ABLIM2: variants seen among roughly 807,000 people sequenced by gnomAD.
ABLIM2 encodes actin-binding LIM protein 2.
In ABLIM2, 53 loss-of-function variants were observed where a neutral mutation model predicts 97.7. That is an observed-to-expected ratio of 0.54 (90% CI 0.44 to 0.68). The LOEUF (loss-of-function observed/expected upper bound fraction) is 0.68, where lower values mean the gene tolerates loss of function less well. Ranked by LOEUF, ABLIM2 falls within the 30% of genes least tolerant of loss-of-function variation. The probability of loss-of-function intolerance (pLI) is 0.00; values close to 1 mark genes in which losing one functional copy is unlikely to be tolerated. For missense variants in ABLIM2, 835 were observed against 867.2 expected (o/e 0.96, Z 0.47); for synonymous variants, 361 against 345.8 (o/e 1.04, Z -0.49).
At chr4:8,036,653 G>T (rs1439071481) in intron 9 of ABLIM2, among the ~76,000 whole-genome samples, 1 of 152,240 alleles carries the variant, frequency 6.6e-6, no homozygotes, top group Non-Finnish European at 1.5e-5. Context: ...AGGCCTTGCG[G>T]AAGTGTCTTC....
rs2152826652 is a variant in ABLIM2, at chr4:8,115,747, T to A, written c.11-9110A>T. 2.0e-5 allele frequency among the ~76,000 whole-genome samples: 3 copies of A among 152,330 alleles called. No individual in the cohort carries two copies. The East Asian group carries it at 5.8e-4, about 29-fold the overall frequency. On this transcript the variant is annotated intron_variant, in intron 1 of 20. Transcript: ENST00000447017. ...CCTTCTCCTATTACCTGATGGGGTC[T>A]AAAGCCCCTCACCTTGAACCTGGGT...
intron 1 of ABLIM2, among the ~76,000 whole-genome samples, chr4:8,131,708 C>G (rs1255131955): frequency 1.9e-5 from 2 of 107,646 alleles, no homozygotes; most frequent in Non-Finnish European, 3.8e-5. Context: ...GCACAGCAGC[C>G]CGCATCCCTG....
intron 9 of ABLIM2, among the ~76,000 whole-genome samples, chr4:8,039,874 GTTTTTTTTTTT>G (rs397947626): frequency 1.8e-5 from 2 of 108,630 alleles, no homozygotes; most frequent in Non-Finnish European, 1.9e-5. Context: ...GCTGATTACT[GTTTTTTTTTTT>G]TTTTTTTTTT....
chr4:8,091,503 G>A (rs1314727144), intron 3 of ABLIM2, among the ~76,000 whole-genome samples: 5 of 34,048 alleles, frequency 1.5e-4, no homozygotes, highest in South Asian at 6.9e-4. Context: ...TATATATTTT[G>A]TATAAAATAT....
intron 16 of ABLIM2, among the ~76,000 whole-genome samples, chr4:7,997,762 TC>T (rs1444187808): frequency 6.6e-6 from 1 of 152,224 alleles, no homozygotes; most frequent in Non-Finnish European, 1.5e-5. Context: ...AGCTACTGTT[TC>T]TAAACTATTT....
intron 4 of ABLIM2, 134 bp from the exon 5 acceptor site, chr4:8,080,936 T>C (rs1819440175): frequency 4.3e-6 from 5 of 1,164,856 alleles, no homozygotes; most frequent in South Asian, 3.5e-5. Flanking sequence ...CCACAGCGAG[T>C]GTGCTTGGAG....
At chr4:8,056,459 C>T (rs1432948423) in intron 7 of ABLIM2, among the ~76,000 whole-genome samples, 3 of 151,712 alleles carry the variant, frequency 2.0e-5, no homozygotes, top group Non-Finnish European at 4.4e-5. Context: ...TAGCACCATG[C>T]CCAGCTAATT....
chr4:7,978,176 C>T lies in ABLIM2; in HGVS notation c.1824+5088G>A, dbSNP rs566421893. Among the ~76,000 whole-genome samples, 75 of 152,294 alleles carry T rather than the reference C, an allele frequency of 4.9e-4. 2 individuals carry two copies. The South Asian group carries it at 0.016, about 32-fold the overall frequency. On this transcript the variant is annotated intron_variant, in intron 20 of 20. Transcript: ENST00000447017. ...TCCTGCTGGGAGGTGGCCGCTCCTG[C>T]ACCCCCTCTGGCTCACGTCCCACTC...
chr4:8,128,025 G>A lies in ABLIM2; in HGVS notation c.11-21388C>T, dbSNP rs193177175. Among the ~76,000 whole-genome samples, 813 of 152,300 alleles carry A rather than the reference G, an allele frequency of 5.3e-3. 10 individuals are homozygous for A. The highest frequency in any genetic ancestry group is 6.4e-3 in the Non-Finnish European group (438 of 68,024). ...GATACGGATTCTCTCGCAGTTCTGG[G>A]GGCCAGAAGTCTGACATGAAGGTGC... On this transcript the variant is annotated intron_variant, in intron 1 of 20. Transcript: ENST00000447017. This position sits in a 1 kb window ranked among gnomAD's most constrained non-coding sequence, Gnocchi z 4.9.
At chr4:8,154,548 G>A (rs558069693) in intron 1 of ABLIM2, among the ~76,000 whole-genome samples, 11 of 152,102 alleles carry the variant, frequency 7.2e-5, no homozygotes, top group Non-Finnish European at 1.5e-4. Flanking sequence ...CCAAAGTGCT[G>A]GGATTACAGG....
rs1831307348 is a variant in ABLIM2 at position 8,095,864 on chromosome 4, T to C, written c.338+1235A>G. Among the ~76,000 whole-genome samples, 1 of 152,216 alleles carries C rather than the reference T, an allele frequency of 6.6e-6. No individual in the cohort carries two copies. Among genetic ancestry groups the C allele is most frequent in the Non-Finnish European group, 1.5e-5 (1 of 68,044 alleles). On this transcript the variant is annotated intron_variant, in intron 3 of 20. Coordinates refer to ENST00000447017, the MANE Select transcript of ABLIM2 (RefSeq NM_001130083.2). This position sits in a 1 kb window ranked among gnomAD's most constrained non-coding sequence, Gnocchi z 4.7. The stretch of plus-strand genomic sequence containing the variant: ...CTCAGATGTTTCCCAAATCCAGGAA[T>C]TGTTTCGCTTGCAGCAACCTGGTCA...
At position 7,970,180 on chromosome 4, in the gene ABLIM2, C is replaced by A. The variant is rs907662037; in HGVS notation, c.1825-3077G>T. ...ACACAAGGCCCCTGGCAGGGGTAGG[C>A]TGGGGTGGTGAACTGACACGTAAGT... On this transcript the variant is annotated intron_variant, in intron 20 of 20. Coordinates refer to ENST00000447017, the MANE Select transcript of ABLIM2 (RefSeq NM_001130083.2). This position sits in a 1 kb window ranked among gnomAD's most constrained non-coding sequence, Gnocchi z 5.3. Among the ~76,000 whole-genome samples, 6 of 152,054 alleles carry A rather than the reference C, an allele frequency of 3.9e-5. No homozygotes were observed. Among genetic ancestry groups the A allele is most frequent in the Non-Finnish European group, 7.4e-5 (5 of 67,994 alleles).
rs56236019 is a variant in ABLIM2 at position 7,969,730 on chromosome 4, G to GACACAC, written c.1825-2633_1825-2628dup. On this transcript the variant is annotated intron_variant, in intron 20 of 20. Coordinates refer to ENST00000447017, the MANE Select transcript of ABLIM2 (RefSeq NM_001130083.2). Reference sequence around the variant, plus strand: ...TCAGTCTCTCTTTCTCTCTCTCTCTGACACACACACACACACACACACACA... The same window carrying GACACAC: ...TCAGTCTCTCTTTCTCTCTCTCTCTGACACACACACACACACACACACACACACACA... 1.7e-3 allele frequency among the ~76,000 whole-genome samples: 237 copies of GACACAC among 139,686 alleles called. 2 individuals carry two copies. The highest frequency in any genetic ancestry group is 4.4e-3 in the South Asian group (18 of 4,136). The allele number at this position is 139,686 out of a possible 152,430, so 91.6% of individuals were successfully genotyped here.
At chr4:8,136,214 C>T (rs1037465070) in intron 1 of ABLIM2, among the ~76,000 whole-genome samples, 5 of 152,164 alleles carry the variant, frequency 3.3e-5, no homozygotes, top group African/African-American at 9.7e-5. Flanking sequence ...TCACAGGATG[C>T]CACTTATATG....
At position 8,058,843 on chromosome 4, in the gene ABLIM2, T is replaced by C. The variant is rs1331613882; in HGVS notation, c.763+2124A>G. On this transcript the variant is annotated intron_variant, in intron 7 of 20. Coordinates refer to ENST00000447017, the MANE Select transcript of ABLIM2 (RefSeq NM_001130083.2). The surrounding 1 kb of genome is among the most constrained non-coding windows in gnomAD (Gnocchi z 4.2). Reference sequence around the variant, plus strand: ...CCCTGGCCTAGAAGCCTAATCTCCCTCCACTTCTGATTGAGTTCCTCATCC... The same window carrying C: ...CCCTGGCCTAGAAGCCTAATCTCCCCCCACTTCTGATTGAGTTCCTCATCC... 6.6e-6 allele frequency among the ~76,000 whole-genome samples: 1 copy of C among 152,136 alleles called. No individual in the cohort carries two copies. Among genetic ancestry groups the C allele is most frequent in the Non-Finnish European group, 1.5e-5 (1 of 68,030 alleles).
At chr4:8,009,022 C>A in intron 15 of ABLIM2, 28 bp downstream of exon 15, 1 of 1,613,040 alleles carries the variant, frequency 6.2e-7, no homozygotes, top group South Asian at 1.1e-5. Context: ...CAAGGCTGTT[C>A]TCAGCCAGAT....
At chr4:8,106,030 G>A (rs1357832627) in intron 2 of ABLIM2, among the ~76,000 whole-genome samples, 1 of 152,198 alleles carries the variant, frequency 6.6e-6, no homozygotes, top group African/African-American at 2.4e-5. Context: ...TAGAGAAATT[G>A]AAGTGATTTT....
chr4:8,097,822 T>C (rs1201791309), intron 2 of ABLIM2, among the ~76,000 whole-genome samples: 1 of 148,888 alleles, frequency 6.7e-6, no homozygotes, highest in Non-Finnish European at 1.5e-5. Flanking sequence ...TGGGTCTCCA[T>C]GCCCTCATGG....
At chr4:8,074,939 C>A (rs1308544860) in intron 6 of ABLIM2, among the ~76,000 whole-genome samples, 2 of 152,130 alleles carry the variant, frequency 1.3e-5, no homozygotes, top group Non-Finnish European at 2.9e-5. Flanking sequence ...GCACCCACCA[C>A]CATGCCCAGC....
Sources: allele counts gnomAD v4.1 joint callset (sites outside exome capture counted in the v4.1 genomes callset), GRCh38; gene constraint gnomAD v4.1.1; non-coding constraint Gnocchi (gnomAD v3.1); transcripts MANE v1.5; gene names NCBI Gene and HGNC (gene_info 2026-07-23, HGNC 2026-07-21).